ERC2: variants seen among roughly 807,000 people sequenced by gnomAD.
The protein encoded by ERC2 is ERC protein 2.
A neutral mutation model predicts 114.8 loss-of-function variants in ERC2; 42 were observed. That is an observed-to-expected ratio of 0.37 (90% confidence interval 0.29 to 0.47). The LOEUF is 0.47. Ranked by LOEUF, ERC2 falls within the 20% of genes least tolerant of loss-of-function variation. The pLI, the probability that ERC2 is intolerant of heterozygous loss-of-function variation, is 0.99. For synonymous variants in ERC2, 454 were observed against 425.5 expected (o/e 1.07, Z -0.82); for missense variants, 939 against 1,150.7 (o/e 0.82, Z 2.66).
chr3:55,774,693 G>A (rs562195349), intron 14 of ERC2, among the ~76,000 whole-genome samples: 129 of 152,322 alleles, frequency 8.5e-4, no homozygotes, highest in Non-Finnish European at 1.7e-3. Flanking sequence ...GGATGGCCTG[G>A]CCCTTTTGGG....
chr3:56,462,005 C>A (rs911804379), intron 1 of ERC2, among the ~76,000 whole-genome samples: 2 of 152,170 alleles, frequency 1.3e-5, no homozygotes, highest in Admixed American at 1.3e-4. Flanking sequence ...AGAAATAAGT[C>A]CATGGACAGA....
chr3:56,146,307 A>AT (rs1305086279), intron 5 of ERC2, among the ~76,000 whole-genome samples: 1 of 152,126 alleles, frequency 6.6e-6, no homozygotes, highest in Non-Finnish European at 1.5e-5. Flanking sequence ...AACAAAAAAA[A>AT]CCAAGTAGGG....
intron 3 of ERC2, among the ~76,000 whole-genome samples, chr3:56,230,346 A>C (rs1400980790): frequency 6.6e-6 from 1 of 152,236 alleles, no homozygotes; most frequent in East Asian, 1.9e-4. Context: ...CATTATTTGA[A>C]AAGGTGATAA....
intron 17 of ERC2, among the ~76,000 whole-genome samples, chr3:55,641,506 C>T (rs886457746): frequency 2.1e-5 from 3 of 142,256 alleles, no homozygotes; most frequent in East Asian, 2.0e-4. Flanking sequence ...GCCAGGATCC[C>T]GCCATTGCAC....
intron 12 of ERC2, among the ~76,000 whole-genome samples, chr3:55,961,417 T>C (rs2068353540): frequency 6.6e-6 from 1 of 152,026 alleles, no homozygotes; most frequent in Non-Finnish European, 1.5e-5. Flanking sequence ...GAAATTTAGG[T>C]CCTCCTGTTA....
chr3:56,046,788 G>A (rs2075485205), intron 7 of ERC2, among the ~76,000 whole-genome samples: 1 of 152,136 alleles, frequency 6.6e-6, no homozygotes, highest in Non-Finnish European at 1.5e-5. Context: ...TCTAAACCCT[G>A]GGGCTGGACA....
chr3:56,457,355 A>C (rs1270652836), intron 1 of ERC2, among the ~76,000 whole-genome samples: 3 of 152,156 alleles, frequency 2.0e-5, no homozygotes, highest in Non-Finnish European at 4.4e-5. Context: ...AAGGCTGTAT[A>C]AATTGTGTTT....
At chr3:55,845,503 C>CAAAAA (rs764740068) in intron 14 of ERC2, among the ~76,000 whole-genome samples, 7,177 of 63,952 alleles carry the variant, frequency 0.11, 448 homozygotes, top group African/African-American at 0.17. Flanking sequence ...GACTCCGTCT[C>CAAAAA]AAAAAAAAAA....
At position 56,434,954 on chromosome 3, in the gene ERC2, G is replaced by T; in HGVS notation, c.54C>A (p.Ser18=). The T allele has an allele frequency of 1.2e-6, 2 of 1,613,374 alleles. No homozygotes were observed. Among genetic ancestry groups the T allele is most frequent in the Non-Finnish European group, 8.5e-7 (1 of 1,179,838 alleles). ...ITNLEGSPSR[S]PRLPRSPRLG... ...AACGAGGAGACCTTGGCAAACGAGGGGATCTGGAAGGGCTACCTTCCAGAT... is the reference window on the plus strand; with the variant it reads ...AACGAGGAGACCTTGGCAAACGAGGTGATCTGGAAGGGCTACCTTCCAGAT... Residue 18 remains serine, a synonymous_variant, in exon 2 of 18, where the codon TCC becomes TCA. Coordinates refer to ENST00000288221, the MANE Select transcript of ERC2 (RefSeq NM_015576.3).
chr3:55,672,070 G>A (rs1211757600), intron 17 of ERC2, among the ~76,000 whole-genome samples: 1 of 152,072 alleles, frequency 6.6e-6, no homozygotes, highest in Admixed American at 6.5e-5. Context: ...TGGCCAGGTC[G>A]GGTAGCTCAT....
intron 6 of ERC2, among the ~76,000 whole-genome samples, chr3:56,103,310 CA>C (rs1389628742): frequency 6.6e-6 from 1 of 151,994 alleles, no homozygotes; most frequent in Non-Finnish European, 1.5e-5. Context: ...TGAACTGGGC[CA>C]TGTTATGGAT....
chr3:55,564,991 T>C lies in ERC2; in HGVS notation c.*40-53715A>G, dbSNP rs199574620. ...ATATGTAAACGAACGAGTGTGGCTG[T>C]GTTCCAATAACACTTCACTTATAAA... On this transcript the variant is annotated intron_variant, in intron 17 of 17. Coordinates refer to ENST00000288221, the MANE Select transcript of ERC2 (RefSeq NM_015576.3). 3.3e-5 allele frequency among the ~76,000 whole-genome samples: 5 copies of C among 152,230 alleles called. No homozygotes were observed. In the East Asian group the frequency reaches 7.7e-4, roughly 23 times the overall value.
intron 13 of ERC2, among the ~76,000 whole-genome samples, chr3:55,935,124 G>GT (rs1464630807): frequency 1.3e-5 from 2 of 152,132 alleles, no homozygotes; most frequent in South Asian, 2.1e-4. Flanking sequence ...ATAGCCACAT[G>GT]TTTTTTAGAA....
At chr3:55,540,203 T>G (rs2054303342) in intron 17 of ERC2, among the ~76,000 whole-genome samples, 1 of 152,216 alleles carries the variant, frequency 6.6e-6, no homozygotes, top group African/African-American at 2.4e-5. Flanking sequence ...TAGATGCTCT[T>G]TAAGATCAGG....
intron 13 of ERC2, among the ~76,000 whole-genome samples, chr3:55,939,508 T>A (rs573166477): frequency 6.6e-6 from 1 of 152,380 alleles, no homozygotes; most frequent in South Asian, 2.1e-4. Flanking sequence ...ATGCACAGTA[T>A]TCTTAACCTA....
intron 2 of ERC2, among the ~76,000 whole-genome samples, chr3:56,324,848 T>C (rs1186671935): frequency 1.3e-5 from 2 of 152,050 alleles, no homozygotes; most frequent in African/African-American, 4.8e-5. Context: ...CTTGCTGTTC[T>C]TCCATCATGC....
At chr3:55,757,028 C>T (rs183460267) in intron 14 of ERC2, among the ~76,000 whole-genome samples, 1 of 152,210 alleles carries the variant, frequency 6.6e-6, no homozygotes, top group Admixed American at 6.5e-5. Flanking sequence ...ATTCAATATG[C>T]TTTTGGTGAA....
At chr3:56,020,739 C>G (rs2073653223) in intron 7 of ERC2, among the ~76,000 whole-genome samples, 1 of 152,068 alleles carries the variant, frequency 6.6e-6, no homozygotes, top group Non-Finnish European at 1.5e-5. Flanking sequence ...GACCCACTGG[C>G]CCACCCTGGC....
Position 56,428,881 on chromosome 3 carries a change from A to G in ERC2, c.657+5470T>C, listed in dbSNP as rs143681456. ...GACCTTGTCCCACTTCTGCACACGC[A>G]AGATGGGTAAATATTAGATCTAGTA... On this transcript the variant is annotated intron_variant, in intron 2 of 17. Coordinates refer to ENST00000288221, the MANE Select transcript of ERC2 (RefSeq NM_015576.3). Among the ~76,000 whole-genome samples the G allele has an allele frequency of 1.3e-4, 20 of 152,314 alleles. No homozygotes were observed. The East Asian group carries it at 3.9e-3, about 29-fold the overall frequency.
Sources: gnomAD v4.1 joint callset for allele counts (sites outside exome capture counted in the v4.1 genomes callset) on GRCh38, gnomAD v4.1.1 for gene constraint, MANE v1.5 for transcripts, NCBI Gene and HGNC (gene_info 2026-07-23, HGNC 2026-07-21) for gene names.